USH2A: variants seen among roughly 807,000 people sequenced by gnomAD.
USH2A encodes the protein Usher syndrome 2A (autosomal recessive, mild).
A neutral mutation model predicts 538.9 loss-of-function variants in USH2A; 443 were observed. The observed-to-expected ratio is 0.82, with a 90% CI of 0.76 to 0.89. USH2A has a LOEUF of 0.89. Ranked by LOEUF, USH2A falls within the 40% of genes least tolerant of loss-of-function variation. The pLI, the probability that USH2A is intolerant of heterozygous loss-of-function variation, is 0.00. For synonymous variants in USH2A, 2,413 were observed against 2,273.5 expected (o/e 1.06, Z -1.75); for missense variants, 6,633 against 6,324.8 (o/e 1.05, Z -1.65).
chr1:216,088,016 T>C (rs1048996741), intron 23 of USH2A, among the ~76,000 whole-genome samples: 1 of 152,200 alleles, frequency 6.6e-6, no homozygotes, highest in Non-Finnish European at 1.5e-5. Context: ...TGATCCCTAA[T>C]GGCCTCTGTG....
chr1:215,961,977 C>T (rs563370803), intron 37 of USH2A, among the ~76,000 whole-genome samples: 1 of 152,006 alleles, frequency 6.6e-6, no homozygotes, highest in Non-Finnish European at 1.5e-5. Context: ...TAAAGAACTT[C>T]TTAAACCTCT....
At chr1:215,854,751 T>G (rs954303963) in intron 44 of USH2A, among the ~76,000 whole-genome samples, 4 of 152,200 alleles carry the variant, frequency 2.6e-5, no homozygotes, top group Non-Finnish European at 5.9e-5. Flanking sequence ...ACATAGTGCA[T>G]GAATAACCTG....
chr1:216,366,772 T>C (rs1339127550), intron 3 of USH2A, among the ~76,000 whole-genome samples: 4 of 152,276 alleles, frequency 2.6e-5, no homozygotes, highest in Middle Eastern at 3.4e-3. Context: ...TTGATTTAAT[T>C]TTAAAACAAA....
chr1:216,089,084 C>T lies in USH2A; in HGVS notation c.4814G>A (p.Gly1605Glu). 1.9e-6 allele frequency: 3 copies of T among 1,613,396 alleles called. No individual in the cohort carries two copies. The highest frequency in any genetic ancestry group is 1.7e-4 in the Middle Eastern group (1 of 6,054). ...TNDHGKQYSD[G>E]KWHEIIAIRH... is the part of the protein sequence containing the mutation. The stretch of plus-strand genomic sequence containing the variant: ...AATAGCAATTATTTCATGCCATTTT[C>T]CATCACTATATTGTTTGCCATGATC... The change falls in exon 23 of 72, where the codon GGA becomes GAA. Residue 1605 changes from glycine to glutamate, a missense_variant. Coordinates refer to ENST00000307340, the MANE Select transcript of USH2A (RefSeq NM_206933.4).
chr1:216,002,349 T>C (rs957391158), intron 32 of USH2A, among the ~76,000 whole-genome samples: 3 of 152,198 alleles, frequency 2.0e-5, no homozygotes, highest in African/African-American at 7.2e-5. Flanking sequence ...CGCTCTCTGG[T>C]GACCTTTCTC....
intron 1 of USH2A, among the ~76,000 whole-genome samples, chr1:216,422,909 T>C (rs2102790314): frequency 6.6e-6 from 1 of 152,174 alleles, no homozygotes; most frequent in African/African-American, 2.4e-5. Flanking sequence ...CCAGCTCTAC[T>C]TAACAGGGAA....
chr1:215,634,547 T>C lies in USH2A; in HGVS notation c.15209A>G (p.Glu5070Gly), dbSNP rs766617185. ...SLILQRKIHKEPYIRERPPLV... is the reference protein window; with the variant it reads ...SLILQRKIHKGPYIRERPPLV... ...GGGAGGTCTTTCTCTGATATATGGC[T>C]CTTTGTGGATTTTTCTTTGTAGTAT... Residue 5070 changes from glutamate (E) to glycine (G), a missense_variant, in exon 70 of 72, where the codon GAG (glutamate) becomes GGG (glycine). Coordinates refer to ENST00000307340, the MANE Select transcript of USH2A (RefSeq NM_206933.4). 3 of 1,614,084 alleles carry C rather than the reference T, an allele frequency of 1.9e-6. No homozygotes were observed. The highest frequency in any genetic ancestry group is 2.5e-6 in the Non-Finnish European group (3 of 1,180,054).
At chr1:215,734,502 T>G (rs974699524) in intron 60 of USH2A, among the ~76,000 whole-genome samples, 18 of 152,198 alleles carry the variant, frequency 1.2e-4, no homozygotes, top group Admixed American at 2.0e-4. Context: ...CTCCACAGTC[T>G]GCTTGAATTC....
At chr1:215,942,769 A>G (rs1666666077) in intron 37 of USH2A, among the ~76,000 whole-genome samples, 1 of 152,158 alleles carries the variant, frequency 6.6e-6, no homozygotes, top group African/African-American at 2.4e-5. Context: ...CAGAGGAAGG[A>G]GTATAAGCCA....
chr1:215,870,524 T>A (rs1023566270), intron 43 of USH2A, among the ~76,000 whole-genome samples: 3 of 151,394 alleles, frequency 2.0e-5, no homozygotes, highest in Admixed American at 1.3e-4. Context: ...CTCGATCTTC[T>A]GACCTCATGA....
chr1:215,942,017 G>A (rs1435768849), intron 37 of USH2A, among the ~76,000 whole-genome samples: 3 of 152,078 alleles, frequency 2.0e-5, no homozygotes, highest in Non-Finnish European at 4.4e-5. Flanking sequence ...AGCTAACTGG[G>A]TCCTGTGCTC....
intron 44 of USH2A, among the ~76,000 whole-genome samples, chr1:215,857,425 C>T (rs1480082411): frequency 6.6e-6 from 1 of 152,058 alleles, no homozygotes; most frequent in African/African-American, 2.4e-5. Flanking sequence ...GCAGGATGGC[C>T]ATTCAGACAG....
chr1:216,252,103 T>A (rs1178634974), intron 11 of USH2A, among the ~76,000 whole-genome samples: 11 of 152,236 alleles, frequency 7.2e-5, no homozygotes, highest in African/African-American at 2.7e-4. Context: ...ATTTTATTCT[T>A]TAAGCATCTG....
intron 55 of USH2A, among the ~76,000 whole-genome samples, chr1:215,770,324 A>G (rs1432757016): frequency 6.6e-6 from 1 of 152,210 alleles, no homozygotes; most frequent in Non-Finnish European, 1.5e-5. Flanking sequence ...AGACATAAAA[A>G]TGGTAGAAAC....
chr1:216,181,614 A>T (rs2034495809), intron 20 of USH2A, among the ~76,000 whole-genome samples: 1 of 152,102 alleles, frequency 6.6e-6, no homozygotes, highest in South Asian at 2.1e-4. Flanking sequence ...AGAGAAGAGG[A>T]TCCATTATTT....
chr1:216,341,322 A>C (rs2038073063), intron 4 of USH2A, among the ~76,000 whole-genome samples: 1 of 152,142 alleles, frequency 6.6e-6, no homozygotes. Flanking sequence ...AGAACTACAA[A>C]CCACTGCTCA....
intron 47 of USH2A, among the ~76,000 whole-genome samples, chr1:215,837,410 T>A (rs1405774241): frequency 6.6e-6 from 1 of 152,142 alleles, no homozygotes; most frequent in Non-Finnish European, 1.5e-5. Context: ...TTTTCAGCTT[T>A]GGAAACAATA....
At chr1:216,128,051 G>A (rs78807307) in intron 21 of USH2A, among the ~76,000 whole-genome samples, 3,619 of 152,174 alleles carry the variant, frequency 0.024, 142 homozygotes, top group African/African-American at 0.083. Context: ...AGAATTTGAA[G>A]AGCATACTGT....
chr1:216,128,476 C>A (rs1172054301), intron 21 of USH2A, among the ~76,000 whole-genome samples: 1 of 152,012 alleles, frequency 6.6e-6, no homozygotes, highest in Non-Finnish European at 1.5e-5. Context: ...CATATGATTA[C>A]CCTGAGCAAA....
Sources: allele counts gnomAD v4.1 joint callset (sites outside exome capture counted in the v4.1 genomes callset), GRCh38; gene constraint gnomAD v4.1.1; transcripts MANE v1.5; gene names NCBI Gene and HGNC (gene_info 2026-07-23, HGNC 2026-07-21).